Variants in TENM2 observed in about 807,000 individuals in gnomAD.
TENM2 encodes teneurin-2.
TENM2 carries 52 observed loss-of-function variants against 245.2 expected under a neutral mutation model. That is an observed-to-expected ratio of 0.21 (90% CI 0.17 to 0.27). The LOEUF (loss-of-function observed/expected upper bound fraction) is 0.27, where lower values mean the gene tolerates loss of function less well. Ranked by LOEUF, TENM2 falls within the 10% of genes least tolerant of loss-of-function variation. TENM2 has a pLI of 1.00. For synonymous variants in TENM2, 1,363 were observed against 1,438.9 expected, an observed-to-expected ratio of 0.95 and a Z score of 1.19; for missense variants, 3,046 against 3,666.8, an observed-to-expected ratio of 0.83 and a Z score of 4.37.
At chr5:167,434,474 A>T (rs1351877714) in intron 2 of TENM2, among the ~76,000 whole-genome samples, 1 of 151,434 alleles carries the variant, frequency 6.6e-6, no homozygotes, top group East Asian at 1.9e-4. Flanking sequence ...AACATTTTTA[A>T]ACTAGACAAG....
intron 3 of TENM2, among the ~76,000 whole-genome samples, chr5:167,905,940 A>G (rs1163986167): frequency 6.6e-6 from 1 of 152,244 alleles, no homozygotes; most frequent in East Asian, 1.9e-4. Flanking sequence ...TTTTTTAAAA[A>G]AAGGAAAAAC....
At chr5:167,739,296 A>G (rs1219384753) in intron 2 of TENM2, among the ~76,000 whole-genome samples, 1 of 152,152 alleles carries the variant, frequency 6.6e-6, no homozygotes, top group Non-Finnish European at 1.5e-5. Context: ...TCATGAAGTC[A>G]CTCAGTGATC....
chr5:167,164,339 A>G, the TENM2 span, among the ~76,000 whole-genome samples: 1 of 152,210 alleles, frequency 6.6e-6, no homozygotes, highest in African/African-American at 2.4e-5. Flanking sequence ...CACATGAGAG[A>G]TTATCTAAAG....
At chr5:167,862,025 C>T (rs188461613) in intron 2 of TENM2, among the ~76,000 whole-genome samples, 1 of 152,294 alleles carries the variant, frequency 6.6e-6, no homozygotes, top group Non-Finnish European at 1.5e-5. Flanking sequence ...TTTCCTGACA[C>T]ATTTAGCAAC....
At chr5:167,381,351 G>A (rs1761085610) in intron 2 of TENM2, among the ~76,000 whole-genome samples, 1 of 152,140 alleles carries the variant, frequency 6.6e-6, no homozygotes, top group African/African-American at 2.4e-5. Context: ...CTCAGTTTGA[G>A]TAATGTTAAA....
At chr5:167,865,950 A>G (rs561167317) in intron 2 of TENM2, among the ~76,000 whole-genome samples, 1 of 152,236 alleles carries the variant, frequency 6.6e-6, no homozygotes, top group Non-Finnish European at 1.5e-5. Flanking sequence ...TCAACCAATC[A>G]TGGTGCTATT....
intron 1 of TENM2, among the ~76,000 whole-genome samples, chr5:167,355,120 G>A (rs999824563): frequency 4.6e-5 from 7 of 152,300 alleles, no homozygotes; most frequent in South Asian, 2.1e-4. Flanking sequence ...GTCTGTTTCC[G>A]TAGTTGGTTC....
At chr5:167,973,426 A>G (rs189576007) in intron 4 of TENM2, among the ~76,000 whole-genome samples, 4 of 152,336 alleles carry the variant, frequency 2.6e-5, no homozygotes, top group African/African-American at 9.6e-5. Flanking sequence ...CACGCAGCTG[A>G]GCACCATGGC....
At chr5:167,424,860 A>C (rs1763720345) in intron 2 of TENM2, among the ~76,000 whole-genome samples, 1 of 152,186 alleles carries the variant, frequency 6.6e-6, no homozygotes, top group African/African-American at 2.4e-5. Context: ...TTCTAACCTC[A>C]TTCGCTCAGC....
At chr5:168,257,660 G>A (rs1314319187) in intron 27 of TENM2, among the ~76,000 whole-genome samples, 2 of 147,248 alleles carry the variant, frequency 1.4e-5, no homozygotes, top group Admixed American at 1.4e-4. Flanking sequence ...TCTGTTGCCA[G>A]GCTGGAGTGC....
intron 2 of TENM2, among the ~76,000 whole-genome samples, chr5:167,384,552 A>C (rs1191966280): frequency 6.6e-6 from 1 of 152,236 alleles, no homozygotes. Context: ...TGTAGCAATC[A>C]GATGACCAAG....
intron 4 of TENM2, among the ~76,000 whole-genome samples, chr5:167,977,168 T>C (rs576060805): frequency 6.6e-5 from 10 of 152,206 alleles, no homozygotes; most frequent in African/African-American, 1.9e-4. Flanking sequence ...TGGGTCCTAC[T>C]TGAGGGTGGA....
intron 2 of TENM2, among the ~76,000 whole-genome samples, chr5:167,657,899 C>G (rs2243779): frequency 0.37 from 56,090 of 152,066 alleles, 13,866 homozygotes; most frequent in East Asian, 0.91. Context: ...ATATTAGCTG[C>G]AATGCACATT....
intron 2 of TENM2, among the ~76,000 whole-genome samples, chr5:167,866,679 G>T (rs1268455573): frequency 6.6e-6 from 1 of 152,140 alleles, no homozygotes; most frequent in African/African-American, 2.4e-5. Flanking sequence ...ATAGGCAATG[G>T]AAAGCCTTGG....
intron 2 of TENM2, among the ~76,000 whole-genome samples, chr5:167,452,819 A>G (rs1274414307): frequency 6.6e-6 from 1 of 150,666 alleles, no homozygotes. Flanking sequence ...ATTAGGAGAT[A>G]TACCTAATGT....
chr5:168,259,883 C>T (rs1279144053), intron 27 of TENM2, among the ~76,000 whole-genome samples: 1 of 152,236 alleles, frequency 6.6e-6, no homozygotes, highest in African/African-American at 2.4e-5. Flanking sequence ...TGCGAAAAGC[C>T]TTTTATGTGG....
intron 6 of TENM2, among the ~76,000 whole-genome samples, chr5:168,060,209 G>C (rs1398053701): frequency 6.7e-6 from 1 of 149,976 alleles, no homozygotes; most frequent in Non-Finnish European, 1.5e-5. Flanking sequence ...GGGCAACATA[G>C]TGACACCTTG....
At chr5:168,090,439 C>T in intron 7 of TENM2, 135 bp from the exon 10 acceptor site, 2 of 618,176 alleles carry the variant, frequency 3.2e-6, no homozygotes, top group East Asian at 6.0e-5. Flanking sequence ...TCTTGTTTTC[C>T]TGGATAAGTT....
chr5:168,030,158 C>CTTTTTTTT (rs540326142), intron 5 of TENM2, among the ~76,000 whole-genome samples: 28 of 65,282 alleles, frequency 4.3e-4, no homozygotes, highest in African/African-American at 8.0e-4. Context: ...GGTTCTGGCT[C>CTTTTTTTT]TTTTTTTTTT....
Sources: allele counts gnomAD v4.1 joint callset (sites outside exome capture counted in the v4.1 genomes callset), GRCh38; gene constraint gnomAD v4.1.1; transcripts MANE v1.5; gene names NCBI Gene and HGNC (gene_info 2026-07-23, HGNC 2026-07-21).